CADPS: variants seen among roughly 807,000 people sequenced by gnomAD.
CADPS encodes calcium-dependent secretion activator 1.
In CADPS, 57 loss-of-function variants were observed where a neutral mutation model predicts 167.3. The ratio of observed to expected loss-of-function variants is 0.34; its 90% CI spans 0.28 to 0.42. CADPS has a LOEUF of 0.42. CADPS is among the 20% of genes least tolerant of loss of function. The probability of loss-of-function intolerance (pLI) is 1.00; values close to 1 mark genes in which losing one functional copy is unlikely to be tolerated. For synonymous variants in CADPS, 676 were observed against 635.3 expected (o/e 1.06, Z -0.96); for missense variants, 1,414 against 1,738.1 (o/e 0.81, Z 3.32).
intron 3 of CADPS, among the ~76,000 whole-genome samples, chr3:62,688,416 A>G (rs2078493699): frequency 6.6e-6 from 1 of 152,080 alleles, no homozygotes; most frequent in Non-Finnish European, 1.5e-5. Context: ...ATTGTCTGGA[A>G]GTGGTCAATA....
intron 1 of CADPS, among the ~76,000 whole-genome samples, chr3:62,791,397 A>C (rs983664392): frequency 6.6e-6 from 1 of 152,194 alleles, no homozygotes; most frequent in Non-Finnish European, 1.5e-5. Context: ...CAGCCTTGCT[A>C]TATAGAATAT....
intron 1 of CADPS, among the ~76,000 whole-genome samples, chr3:62,769,315 T>C (rs2087853035): frequency 6.6e-6 from 1 of 151,216 alleles, no homozygotes; most frequent in Non-Finnish European, 1.5e-5. Flanking sequence ...CACTGCAACC[T>C]CCACCTCCTG....
intron 1 of CADPS, among the ~76,000 whole-genome samples, chr3:62,797,070 C>T (rs1167173112): frequency 6.6e-6 from 1 of 152,102 alleles, no homozygotes; most frequent in Admixed American, 6.6e-5. Flanking sequence ...TGCATTGAGA[C>T]AGTCTGGAGA....
chr3:62,526,326 G>A (rs1355460749), intron 13 of CADPS, among the ~76,000 whole-genome samples: 1 of 152,142 alleles, frequency 6.6e-6, no homozygotes, highest in African/African-American at 2.4e-5. Flanking sequence ...GCTTACTTTG[G>A]ATTGCGGCGG....
intron 13 of CADPS, chr3:62,530,647 T>C: frequency 7.8e-7 from 1 of 1,285,632 alleles, no homozygotes; most frequent in Non-Finnish European, 1.0e-6. Context: ...CACACATAAC[T>C]TCTTACCTTT....
chr3:62,541,032 G>A (rs1312145612), intron 11 of CADPS, among the ~76,000 whole-genome samples: 1 of 152,026 alleles, frequency 6.6e-6, no homozygotes, highest in African/African-American at 2.4e-5. Flanking sequence ...TTTGAACATC[G>A]GGTTAAGCAA....
intron 3 of CADPS, among the ~76,000 whole-genome samples, chr3:62,744,516 G>A (rs2081027939): frequency 6.6e-6 from 1 of 152,192 alleles, no homozygotes; most frequent in African/African-American, 2.4e-5. Context: ...TTAGCATGGG[G>A]AATCTGGACT....
intron 26 of CADPS, among the ~76,000 whole-genome samples, chr3:62,462,176 T>C (rs2059428164): frequency 6.6e-6 from 1 of 152,186 alleles, no homozygotes; most frequent in South Asian, 2.1e-4. Flanking sequence ...GGCAGATAGT[T>C]GCTAATTGCG....
In CADPS at chr3:62,753,839, G is replaced by T; in HGVS notation, c.556-66C>A. 1.4e-6 allele frequency: 2 copies of T among 1,444,432 alleles called. No homozygotes were observed. Among genetic ancestry groups the T allele is most frequent in the Non-Finnish European group, 9.4e-7 (1 of 1,063,054 alleles). The allele number at this position is 1,444,432 out of a possible 1,614,324, so 89.5% of individuals were successfully genotyped here. On this transcript the variant is annotated intron_variant, in intron 2 of 29. Coordinates refer to ENST00000383710, the MANE Select transcript of CADPS (RefSeq NM_003716.4). This position sits in a 1 kb window ranked among gnomAD's most constrained non-coding sequence, Gnocchi z 4.6. ...ACCACAGAGGTACCAGTTCCCTGGG[G>T]CTGGACACTGGGCCAGTCCACCTCA...
At chr3:62,600,259 A>G (rs1040992060) in intron 6 of CADPS, among the ~76,000 whole-genome samples, 4 of 151,890 alleles carry the variant, frequency 2.6e-5, no homozygotes, top group African/African-American at 9.7e-5. Flanking sequence ...CAAGGCGTCA[A>G]TCCATGAAGG....
intron 18 of CADPS, among the ~76,000 whole-genome samples, chr3:62,496,289 C>T (rs2064787205): frequency 6.6e-6 from 1 of 152,062 alleles, no homozygotes; most frequent in African/African-American, 2.4e-5. Context: ...CCATGCTCAG[C>T]ACCTCCCTGG....
intron 1 of CADPS, among the ~76,000 whole-genome samples, chr3:62,865,385 TAAAAAA>T (rs35780515): frequency 7.1e-4 from 78 of 110,128 alleles, no homozygotes; most frequent in Non-Finnish European, 1.2e-3. Flanking sequence ...ACTTAAGGAT[TAAAAAA>T]AAAAAAAAAA....
At chr3:62,686,368 G>A (rs2078034528) in intron 3 of CADPS, among the ~76,000 whole-genome samples, 1 of 152,018 alleles carries the variant, frequency 6.6e-6, no homozygotes, top group African/African-American at 2.4e-5. Context: ...GGTAGGGGAG[G>A]AAGTCAATGG....
intron 3 of CADPS, among the ~76,000 whole-genome samples, chr3:62,717,585 T>C (rs950698821): frequency 1.3e-5 from 2 of 152,224 alleles, no homozygotes; most frequent in Admixed American, 1.3e-4. Context: ...CCATATCTAG[T>C]TGAGCATTCT....
intron 26 of CADPS, among the ~76,000 whole-genome samples, chr3:62,453,969 G>A (rs557902258): frequency 6.6e-6 from 1 of 152,276 alleles, no homozygotes; most frequent in African/African-American, 2.4e-5. Context: ...GCCAGAGTTT[G>A]TAAATGCCAT....
At chr3:62,706,127 G>C (rs2082269112) in intron 3 of CADPS, among the ~76,000 whole-genome samples, 1 of 152,138 alleles carries the variant, frequency 6.6e-6, no homozygotes, top group East Asian at 1.9e-4. Flanking sequence ...CCACTTTAGG[G>C]ACTTTGGTAG....
intron 1 of CADPS, among the ~76,000 whole-genome samples, chr3:62,834,455 A>G (rs73844607): frequency 0.014 from 2,176 of 152,264 alleles, 49 homozygotes; most frequent in African/African-American, 0.05. Flanking sequence ...ATCAGTGATA[A>G]ACTGAGGCAA....
In CADPS at chr3:62,844,522, C is replaced by A. The variant is rs1041954486; in HGVS notation, c.441+30067G>T. 2.6e-5 allele frequency among the ~76,000 whole-genome samples: 4 copies of A among 152,170 alleles called. No homozygotes were observed. In the South Asian group the frequency reaches 8.3e-4, roughly 32 times the overall value. On this transcript the variant is annotated intron_variant, in intron 1 of 29. Coordinates refer to ENST00000383710, the MANE Select transcript of CADPS (RefSeq NM_003716.4). ...GAGGAGCAAACCACCACTCCCCAAC[C>A]CTCATGAATGCCTGTGAAAGCCAAG...
chr3:62,783,133 G>A lies in CADPS; in HGVS notation c.442-17149C>T, dbSNP rs79027591. Reference sequence around the variant, plus strand: ...TTATGGTTCCAAAAAGAAAACAAACGCTAAAAATGTGTGGCTTTACTCGCA... The same window carrying A: ...TTATGGTTCCAAAAAGAAAACAAACACTAAAAATGTGTGGCTTTACTCGCA... On this transcript the variant is annotated intron_variant, in intron 1 of 29. Coordinates refer to ENST00000383710, the MANE Select transcript of CADPS (RefSeq NM_003716.4). Among the ~76,000 whole-genome samples, 107 of 152,220 alleles carry A rather than the reference G, an allele frequency of 7.0e-4. 1 individual carries two copies. In the East Asian group the frequency reaches 0.02, roughly 29 times the overall value.
Sources: allele counts gnomAD v4.1 joint callset (sites outside exome capture counted in the v4.1 genomes callset), GRCh38; gene constraint gnomAD v4.1.1; non-coding constraint Gnocchi (gnomAD v3.1); transcripts MANE v1.5; gene names NCBI Gene and HGNC (gene_info 2026-07-23, HGNC 2026-07-21).